Variants in RAPGEF2 observed in about 807,000 individuals in gnomAD.
The protein encoded by RAPGEF2 is Rap guanine nucleotide exchange factor 2, also known as PDZ domain containing guanine nucleotide exchange factor (GEF) 1.
A neutral mutation model predicts 186.7 loss-of-function variants in RAPGEF2; 54 were observed. The observed-to-expected ratio is 0.29, with a 90% confidence interval of 0.23 to 0.36. RAPGEF2 has a LOEUF of 0.36. Ranked by LOEUF, RAPGEF2 falls within the 10% of genes least tolerant of loss-of-function variation. The pLI, the probability that RAPGEF2 is intolerant of heterozygous loss-of-function variation, is 1.00. For synonymous variants in RAPGEF2, 712 were observed against 705.9 expected (o/e 1.01, Z -0.14); for missense variants, 1,532 against 2,045.0 (o/e 0.75, Z 4.84).
intron 1 of RAPGEF2, among the ~76,000 whole-genome samples, chr4:159,171,996 T>C (rs918298079): frequency 5.3e-5 from 8 of 152,096 alleles, no homozygotes; most frequent in Admixed American, 2.6e-4. Flanking sequence ...AACTACTATC[T>C]AGTATCAATA....
chr4:159,274,035 G>C (rs947256904), intron 7 of RAPGEF2, among the ~76,000 whole-genome samples: 1 of 152,056 alleles, frequency 6.6e-6, no homozygotes, highest in Non-Finnish European at 1.5e-5. Context: ...CAGGTGACCT[G>C]CCTGCCTTGG....
intron 11 of RAPGEF2, chr4:159,327,544 C>A (rs1766092561): frequency 6.6e-6 from 1 of 152,074 alleles, no homozygotes. Flanking sequence ...ACAATCCCAG[C>A]TACTCGGGAG....
chr4:159,218,756 T>TAA (rs879889034), intron 4 of RAPGEF2, among the ~76,000 whole-genome samples: 1 of 144,582 alleles, frequency 6.9e-6, no homozygotes, highest in Non-Finnish European at 1.5e-5. Flanking sequence ...AGACTCCATC[T>TAA]AAAAAAAAAA....
At chr4:159,351,353 C>G (rs1731152349) in intron 26 of RAPGEF2, among the ~76,000 whole-genome samples, 1 of 151,566 alleles carries the variant, frequency 6.6e-6, no homozygotes, top group African/African-American at 2.4e-5. Context: ...TCTTATCTGT[C>G]AGAACTTGCA....
At chr4:159,113,552 C>A (rs1325380925) in intron 1 of RAPGEF2, among the ~76,000 whole-genome samples, 1 of 151,834 alleles carries the variant, frequency 6.6e-6, no homozygotes, top group Non-Finnish European at 1.5e-5. Flanking sequence ...TTGAGCCTGG[C>A]CAACATGGCG....
In RAPGEF2 at chr4:159,318,370, A is replaced by G. The variant is rs148861175; in HGVS notation, c.853+3602A>G. ...CTTTATATAAAATACAAACATCTGT[A>G]TGATTGATGTTTTCTCTAGATGCCT... is the stretch of plus-strand genomic sequence containing the variant. On this transcript the variant is annotated intron_variant, in intron 9 of 29. Transcript: ENST00000691494. 4.9e-3 allele frequency among the ~76,000 whole-genome samples: 751 copies of G among 152,336 alleles called. 10 individuals carry two copies. The highest frequency in any genetic ancestry group is 0.017 in the African/African-American group (715 of 41,584).
chr4:159,162,221 C>CAAAA (rs35274144), intron 1 of RAPGEF2, among the ~76,000 whole-genome samples: 1,310 of 98,194 alleles, frequency 0.013, 34 homozygotes, highest in African/African-American at 0.044. Context: ...TGTGTTTCTT[C>CAAAA]AAAAAAAAAA....
intron 1 of RAPGEF2, among the ~76,000 whole-genome samples, chr4:159,125,484 C>T (rs1044033420): frequency 3.3e-5 from 5 of 151,916 alleles, no homozygotes; most frequent in Non-Finnish European, 5.9e-5. Context: ...ATGGGCTGGG[C>T]GCGGTGGCTC....
chr4:159,257,750 T>C (rs1756351638), intron 7 of RAPGEF2, among the ~76,000 whole-genome samples: 1 of 152,210 alleles, frequency 6.6e-6, no homozygotes, highest in Non-Finnish European at 1.5e-5. Flanking sequence ...TGCAGTCTTA[T>C]TTCTGAGTTC....
intron 9 of RAPGEF2, among the ~76,000 whole-genome samples, chr4:159,322,069 C>G (rs899861335): frequency 6.6e-6 from 1 of 152,004 alleles, no homozygotes; most frequent in African/African-American, 2.4e-5. Context: ...TAGAAATTTC[C>G]CATTTGAAGT....
chr4:159,122,356 A>G (rs1739791856), intron 1 of RAPGEF2, among the ~76,000 whole-genome samples: 3 of 151,790 alleles, frequency 2.0e-5, no homozygotes, highest in African/African-American at 2.4e-5. Flanking sequence ...GCGCACGCCT[A>G]TAATCCTAGC....
In RAPGEF2 at chr4:159,345,287, C is replaced by G; in HGVS notation, c.3460C>G (p.Leu1154Val). 3.1e-6 allele frequency: 5 copies of G among 1,614,168 alleles called. No individual in the cohort carries two copies. The highest frequency in any genetic ancestry group is 4.2e-6 in the Non-Finnish European group (5 of 1,180,022). ...GGAGCTAGAAATGGACGAGGAGAGT[C>G]TTCAGACATTATCTCTGCAGTGTGA... ...NLELEMDEES[L>V]QTLSLQCEPA... Residue 1154 changes from leucine to valine, a missense_variant, in exon 24 of 30, where the codon CTT (leucine) becomes GTT (valine). Physicochemically the swap from Leu to Val is conservative, Grantham distance 32. Coordinates refer to ENST00000691494, the MANE Select transcript of RAPGEF2 (RefSeq NM_001394067.2).
chr4:159,345,835 A>C (rs1416005617), intron 24 of RAPGEF2, among the ~76,000 whole-genome samples: 1 of 152,028 alleles, frequency 6.6e-6, no homozygotes, highest in Non-Finnish European at 1.5e-5. Flanking sequence ...AATCTGGTTA[A>C]TCTATAAATG....
At chr4:159,272,504 A>G (rs1319920427) in intron 7 of RAPGEF2, among the ~76,000 whole-genome samples, 1 of 152,196 alleles carries the variant, frequency 6.6e-6, no homozygotes, top group African/African-American at 2.4e-5. Flanking sequence ...AATCAGGATC[A>G]CTTAATATGC....
intron 7 of RAPGEF2, among the ~76,000 whole-genome samples, chr4:159,267,558 A>C (rs1757567339): frequency 6.6e-6 from 1 of 152,164 alleles, no homozygotes; most frequent in African/African-American, 2.4e-5. Flanking sequence ...CATCATTAGC[A>C]GCTAGGGAGG....
At chr4:159,240,607 A>G (rs1353140578) in intron 5 of RAPGEF2, among the ~76,000 whole-genome samples, 1 of 152,036 alleles carries the variant, frequency 6.6e-6, no homozygotes, top group Non-Finnish European at 1.5e-5. Context: ...TGCTGGGATT[A>G]CAGGCGTGAG....
Position 159,186,718 on chromosome 4 carries a change from T to C in RAPGEF2, c.140+6T>C. The C allele has an allele frequency of 7.1e-7, 1 of 1,415,510 alleles. No homozygotes were observed. Among genetic ancestry groups the C allele is most frequent in the Non-Finnish European group, 9.5e-7 (1 of 1,048,996 alleles). The allele number at this position is 1,415,510 out of a possible 1,614,324, so 87.7% of individuals were successfully genotyped here. A position where few individuals can be genotyped will look rare whatever the true frequency, so the allele number is the denominator to read the frequency against. On this transcript the variant is annotated splice_donor_region_variant and intron_variant, in intron 2 of 29. Coordinates refer to ENST00000691494, the MANE Select transcript of RAPGEF2 (RefSeq NM_001394067.2). ...TTGAGGGAGCATCAACTTAGGTATG[T>C]CATTTTAATATTCAGTTAATCATAG...
At chr4:159,170,887 A>G (rs1183699727) in intron 1 of RAPGEF2, among the ~76,000 whole-genome samples, 2 of 152,164 alleles carry the variant, frequency 1.3e-5, no homozygotes, top group Non-Finnish European at 2.9e-5. Flanking sequence ...TGGTATTAAT[A>G]AGGGTCTAAT....
intron 11 of RAPGEF2, among the ~76,000 whole-genome samples, chr4:159,325,537 A>C (rs1014457233): frequency 6.6e-6 from 1 of 152,072 alleles, no homozygotes; most frequent in African/African-American, 2.4e-5. Flanking sequence ...ACCCTTCTAC[A>C]TAGTGGAATT....
Sources: gnomAD v4.1 joint callset for allele counts (sites outside exome capture counted in the v4.1 genomes callset) on GRCh38, gnomAD v4.1.1 for gene constraint, MANE v1.5 for transcripts, NCBI Gene and HGNC (gene_info 2026-07-23, HGNC 2026-07-21) for gene names.